The following PELI2 variants were observed in gnomAD, a reference collection of about 807,000 sequenced individuals.
PELI2 encodes E3 ubiquitin-protein ligase pellino homolog 2.
Under a neutral mutation model 42.3 loss-of-function variants are expected in PELI2, and 23 were observed. The ratio of observed to expected loss-of-function variants is 0.54; its 90% CI spans 0.39 to 0.77. The LOEUF (loss-of-function observed/expected upper bound fraction) is 0.77. PELI2 is among the 30% of genes least tolerant of loss of function. The probability of loss-of-function intolerance (pLI) is 0.00; values close to 1 mark genes in which losing one functional copy is unlikely to be tolerated. For missense variants in PELI2, 463 were observed against 553.2 expected, an observed-to-expected ratio of 0.84 and a Z score of 1.64; for synonymous variants, 245 against 212.2, an observed-to-expected ratio of 1.15 and a Z score of -1.34.
Position 56,288,086 on chromosome 14 carries a change from A to G in PELI2, c.310-351A>G, listed in dbSNP as rs1227154107. On this transcript the variant is annotated intron_variant, in intron 3 of 5. Transcript: ENST00000267460. This position sits in a 1 kb window ranked among gnomAD's most constrained non-coding sequence, Gnocchi z 4.6. ...AAAATCTAATGAACTAGTGAGTGGC[A>G]TAAAGTGAGTTAAGCAAGATGAGTA... Among the ~76,000 whole-genome samples the G allele has an allele frequency of 6.6e-6, 1 of 152,208 alleles. No individual in the cohort carries two copies. The highest frequency in any genetic ancestry group is 1.5e-5 in the Non-Finnish European group (1 of 68,024).
At chr14:56,189,363 T>C (rs147206840) in intron 2 of PELI2, among the ~76,000 whole-genome samples, 1 of 152,304 alleles carries the variant, frequency 6.6e-6, no homozygotes, top group East Asian at 1.9e-4. Context: ...TGATGTATAC[T>C]TCAAAGATTA....
chr14:56,175,248 G>T (rs1037388638), intron 1 of PELI2, among the ~76,000 whole-genome samples: 1 of 152,038 alleles, frequency 6.6e-6, no homozygotes, highest in African/African-American at 2.4e-5. Flanking sequence ...TACCTGCCTC[G>T]GCCTCCCAAA....
At chr14:56,220,972 C>A (rs960297789) in intron 2 of PELI2, among the ~76,000 whole-genome samples, 2 of 152,124 alleles carry the variant, frequency 1.3e-5, no homozygotes, top group African/African-American at 4.8e-5. Context: ...GGAGAGGAGG[C>A]ACATAGCCCT....
At chr14:56,145,583 A>G (rs1310546989) in intron 1 of PELI2, among the ~76,000 whole-genome samples, 1 of 152,102 alleles carries the variant, frequency 6.6e-6, no homozygotes, top group Non-Finnish European at 1.5e-5. Flanking sequence ...GAGCAGGATA[A>G]CTCCCCATAG....
intron 1 of PELI2, among the ~76,000 whole-genome samples, chr14:56,148,566 C>T (rs1884219378): frequency 6.6e-6 from 1 of 152,184 alleles, no homozygotes; most frequent in African/African-American, 2.4e-5. Context: ...CCTGTCCTCC[C>T]CAGCCCTTGT....
chr14:56,208,419 A>T, intron 2 of PELI2, among the ~76,000 whole-genome samples: 1 of 152,050 alleles, frequency 6.6e-6, no homozygotes, highest in Non-Finnish European at 1.5e-5. Flanking sequence ...AAGTATTTCT[A>T]TTTCACTGGA....
intron 1 of PELI2, among the ~76,000 whole-genome samples, chr14:56,150,794 C>G (rs1047868031): frequency 6.6e-6 from 1 of 152,064 alleles, no homozygotes; most frequent in African/African-American, 2.4e-5. Context: ...TGTGAGCTGG[C>G]CTTCTGTGGC....
In PELI2 at chr14:56,290,399, C is replaced by A; in HGVS notation, c.639C>A (p.Val213=). The A allele has an allele frequency of 6.2e-7, 1 of 1,613,784 alleles. No homozygotes were observed. Among genetic ancestry groups the A allele is most frequent in the Non-Finnish European group, 8.5e-7 (1 of 1,179,752 alleles). Reference sequence around the variant, plus strand: ...CCGGGGTCTGGCGCGAGATCTCTGTCTGTGGAGATGTGTACACCTTGCGAG... The same window carrying A: ...CCGGGGTCTGGCGCGAGATCTCTGTATGTGGAGATGTGTACACCTTGCGAG... ...SQPGVWREIS[V]CGDVYTLRET... is the part of the protein sequence containing the mutation. Residue 213 remains valine, a synonymous_variant, in exon 5 of 6, where the codon GTC becomes GTA. Coordinates refer to ENST00000267460, the MANE Select transcript of PELI2 (RefSeq NM_021255.3).
Position 56,254,436 on chromosome 14 carries a change from C to G in PELI2, c.208-25240C>G, listed in dbSNP as rs538417448. On this transcript the variant is annotated intron_variant, in intron 2 of 5. Transcript: ENST00000267460. ...ATGGTGTTGGGAAAACTGGCTAGCCCTATGCAGAAAGCTGAAACTGGACCC... is the reference window on the plus strand; with the variant it reads ...ATGGTGTTGGGAAAACTGGCTAGCCGTATGCAGAAAGCTGAAACTGGACCC... Among the ~76,000 whole-genome samples, 148 of 151,660 alleles carry G rather than the reference C, an allele frequency of 9.8e-4. 2 individuals are homozygous for G. Among genetic ancestry groups the G allele is most frequent in the African/African-American group, 3.3e-3 (138 of 41,402 alleles).
At position 56,159,912 on chromosome 14, in the gene PELI2, A is replaced by G. The variant is rs184655849; in HGVS notation, c.78-18423A>G. Among the ~76,000 whole-genome samples the G allele has an allele frequency of 5.3e-5, 8 of 152,270 alleles. No individual in the cohort carries two copies. In the East Asian group the frequency reaches 9.6e-4, roughly 18 times the overall value. The stretch of plus-strand genomic sequence containing the variant: ...TAAAAACATCTTGTATGATTCAATA[A>G]CAGTACCTATTTGAGATGAAAAAGA... On this transcript the variant is annotated intron_variant, in intron 1 of 5. Transcript: ENST00000267460.
chr14:56,208,977 A>C (rs1886616047), intron 2 of PELI2, among the ~76,000 whole-genome samples: 1 of 152,260 alleles, frequency 6.6e-6, no homozygotes, highest in African/African-American at 2.4e-5. Context: ...TGTATCTGCT[A>C]CCAAGACTTG....
chr14:56,218,702 C>CGTGTGTGTGT (rs111825772), intron 2 of PELI2, among the ~76,000 whole-genome samples: 4 of 149,708 alleles, frequency 2.7e-5, no homozygotes, highest in Admixed American at 6.6e-5. Context: ...CACATGTGTG[C>CGTGTGTGTGT]GTGTGTGTGT....
chr14:56,246,614 C>T (rs1256929222), intron 2 of PELI2, among the ~76,000 whole-genome samples: 4 of 152,138 alleles, frequency 2.6e-5, no homozygotes, highest in East Asian at 1.9e-4. Flanking sequence ...TGTTTACGGA[C>T]GTAGGCCAAC....
intron 2 of PELI2, among the ~76,000 whole-genome samples, chr14:56,182,178 G>T (rs183186092): frequency 3.9e-5 from 6 of 152,318 alleles, no homozygotes; most frequent in African/African-American, 1.4e-4. Context: ...CTAAAAAAGT[G>T]GTGCGAGAGC....
intron 2 of PELI2, among the ~76,000 whole-genome samples, chr14:56,208,127 G>T (rs1886583976): frequency 6.6e-6 from 1 of 152,204 alleles, no homozygotes; most frequent in Non-Finnish European, 1.5e-5. Flanking sequence ...GAGTTGTCTG[G>T]TGAGCAAAGA....
rs558232728 is a variant in PELI2 at position 56,236,922 on chromosome 14, TTTAA to T, written c.208-42751_208-42748del. ...TTTCTTTGTACTCTGGAGGTGTCAG[TTTAA>T]TTGTTTTCTTCCAAATACTGAGGCT... On this transcript the variant is annotated intron_variant, in intron 2 of 5. Transcript: ENST00000267460. 1.4e-3 allele frequency among the ~76,000 whole-genome samples: 206 copies of T among 152,322 alleles called. 5 individuals carry two copies. Among genetic ancestry groups the T allele is most frequent in the East Asian group, 7.9e-3 (41 of 5,188 alleles).
intron 2 of PELI2, among the ~76,000 whole-genome samples, chr14:56,248,848 G>A (rs1319691626): frequency 1.3e-5 from 2 of 151,844 alleles, no homozygotes; most frequent in South Asian, 4.2e-4. Flanking sequence ...CCATGAGAAG[G>A]GCAGTCCATG....
chr14:56,254,526 A>T (rs1888457817), intron 2 of PELI2, among the ~76,000 whole-genome samples: 1 of 151,438 alleles, frequency 6.6e-6, no homozygotes, highest in East Asian at 2.1e-4. Context: ...AAGACCTAAA[A>T]CCATAAAAAC....
intron 2 of PELI2, among the ~76,000 whole-genome samples, chr14:56,190,417 A>T (rs1409538041): frequency 6.6e-6 from 1 of 152,228 alleles, no homozygotes; most frequent in Non-Finnish European, 1.5e-5. Context: ...TACACAAAAC[A>T]TACATGTAGA....
Sources: allele counts gnomAD v4.1 joint callset (sites outside exome capture counted in the v4.1 genomes callset), GRCh38; gene constraint gnomAD v4.1.1; non-coding constraint Gnocchi (gnomAD v3.1); transcripts MANE v1.5; gene names NCBI Gene and HGNC (gene_info 2026-07-23, HGNC 2026-07-21).